Variants in KMT2B observed in about 807,000 individuals in gnomAD.
KMT2B encodes lysine methyltransferase 2B.
Under a neutral mutation model 255.3 loss-of-function variants are expected in KMT2B, and 22 were observed. The observed-to-expected ratio is 0.09, with a 90% CI of 0.06 to 0.12. KMT2B has a LOEUF of 0.12. Ranked by LOEUF, KMT2B falls within the 10% of genes least tolerant of loss-of-function variation. The pLI, the probability that KMT2B is intolerant of heterozygous loss-of-function variation, is 1.00. For missense variants in KMT2B, 3,149 were observed against 3,737.0 expected (o/e 0.84, Z 4.10); for synonymous variants, 1,730 against 1,498.1 (o/e 1.15, Z -3.57).
In KMT2B at chr19:35,724,014, A is replaced by G. The variant is rs1368098057; in HGVS notation, c.3334+7A>G. 1 of 1,578,844 alleles carries G rather than the reference A, an allele frequency of 6.3e-7. No individual in the cohort carries two copies. Among genetic ancestry groups the G allele is most frequent in the Non-Finnish European group, 8.6e-7 (1 of 1,162,824 alleles). ...CGGACCCCCCGAGAAAATGGTGCGAACTGCTTAATGCTTTCTCTGTTGATC... is the reference window on the plus strand; with the variant it reads ...CGGACCCCCCGAGAAAATGGTGCGAGCTGCTTAATGCTTTCTCTGTTGATC... On this transcript the variant is annotated splice_region_variant and intron_variant, in intron 8 of 36. Transcript: ENST00000420124.
In KMT2B at chr19:35,738,350, C is replaced by G; in HGVS notation, c.7941C>G (p.Ala2647=). Residue 2647 remains alanine (A), a synonymous_variant, in exon 37 of 37, where the codon GCC becomes GCG. Coordinates refer to ENST00000420124, the MANE Select transcript of KMT2B (RefSeq NM_014727.3). The surrounding 1 kb of genome is among the most constrained non-coding windows in gnomAD (Gnocchi z 8.7). ...TGGACGCCACGATGCATGGCAATGC[C>G]GCCCGCTTCATCAACCACTCCTGTG... is the stretch of plus-strand genomic sequence containing the variant. ...DVVDATMHGN[A]ARFINHSCEP... The G allele has an allele frequency of 6.2e-7, 1 of 1,613,968 alleles. No homozygotes were observed. The highest frequency in any genetic ancestry group is 1.1e-5 in the South Asian group (1 of 91,076).
rs1328515921 is a variant in KMT2B, at chr19:35,737,614, C to T, written c.7551-22C>T. On this transcript the variant is annotated intron_variant, in intron 33 of 36. Transcript: ENST00000420124. This position sits in a 1 kb window ranked among gnomAD's most constrained non-coding sequence, Gnocchi z 5.3. ...CTCTGTCTTCAACAGTATATTCCTCCTTCCCCTGCTGCCACCTGCAGGAAG... is the reference window on the plus strand; with the variant it reads ...CTCTGTCTTCAACAGTATATTCCTCTTTCCCCTGCTGCCACCTGCAGGAAG... 4 of 1,501,034 alleles carry T rather than the reference C, an allele frequency of 2.7e-6. No homozygotes were observed. Among genetic ancestry groups the T allele is most frequent in the South Asian group, 1.2e-5 (1 of 82,448 alleles). The allele number at this position is 1,501,034 out of a possible 1,614,324, so 93.0% of individuals were successfully genotyped here.
intron 26 of KMT2B, among the ~76,000 whole-genome samples, chr19:35,731,082 A>C (rs558700889): frequency 6.6e-6 from 1 of 152,282 alleles, no homozygotes; most frequent in East Asian, 1.9e-4. Flanking sequence ...CACGCTGCCT[A>C]CTTGAGGTGG....
Position 35,737,982 on chromosome 19 carries a change from G to C in KMT2B, c.7742+40G>C. 1.2e-6 allele frequency: 2 copies of C among 1,608,476 alleles called. No homozygotes were observed. Among genetic ancestry groups the C allele is most frequent in the African/African-American group, 1.3e-5 (1 of 74,944 alleles). On this transcript the variant is annotated intron_variant, in intron 35 of 36. Transcript: ENST00000420124. The surrounding 1 kb of genome is among the most constrained non-coding windows in gnomAD (Gnocchi z 5.3). ...GGGGGAGGATGCCCCTTGGGTGGAC[G>C]GACAGGTGCACTGGGTAGGGGGTAC...
chr19:35,724,768 G>A, intron 9 of KMT2B, 37 bp downstream of exon 9: 1 of 1,525,714 alleles, frequency 6.6e-7, no homozygotes, highest in Non-Finnish European at 8.9e-7. Flanking sequence ...CTTCCCTCCA[G>A]GAGCTACCTG....
At chr19:35,729,924 CCCCAG>C in intron 22 of KMT2B, 38 bp from the exon 23 acceptor site, 1 of 1,583,974 alleles carries the variant, frequency 6.3e-7, no homozygotes, top group South Asian at 1.1e-5. Context: ...TGGCGCCCAG[CCCCAG>C]CCCTGGCTTC....
In KMT2B at chr19:35,728,545, G is replaced by A. The variant is rs538551642; in HGVS notation, c.4572-229G>A. On this transcript the variant is annotated intron_variant, in intron 19 of 36. Transcript: ENST00000420124. The stretch of plus-strand genomic sequence containing the variant: ...AGGTGTCAGGGAAGGCTTCCTGAAA[G>A]AGATGGCATTGGAGCAGAGCTGGGG... Among the ~76,000 whole-genome samples the A allele has an allele frequency of 1.3e-5, 2 of 152,192 alleles. 1 individual carries two copies. The highest frequency in any genetic ancestry group is 4.1e-4 in the South Asian group (2 of 4,820).
Position 35,725,928 on chromosome 19 carries a change from T to A in KMT2B, c.3885+110T>A. On this transcript the variant is annotated intron_variant, in intron 13 of 36. Transcript: ENST00000420124. The surrounding 1 kb of genome is among the most constrained non-coding windows in gnomAD (Gnocchi z 4.1). ...GAGGAGCAGAGGTTGGGGATCCTCT[T>A]AAGAATTGATTAGTAATGTTTCCTC... 1 of 875,056 alleles carries A rather than the reference T, an allele frequency of 1.1e-6. No homozygotes were observed. Among genetic ancestry groups the A allele is most frequent in the South Asian group, 1.5e-5 (1 of 66,094 alleles). 54.2% of individuals were successfully genotyped at this position (875,056 alleles called of 1,614,324 possible).
intron 1 of KMT2B, 102 bp from the exon 2 acceptor site, chr19:35,719,367 T>G: frequency 1.3e-6 from 1 of 792,444 alleles, no homozygotes; most frequent in South Asian, 1.7e-5. Flanking sequence ...TAGGCAGGGG[T>G]ATGCTAAGTG....
In KMT2B at chr19:35,718,371, C is replaced by T; in HGVS notation, c.353C>T (p.Ser118Phe). ...VPEEESSDGE[S>F]DEEEFQGFHS... ...GAGGAGGAGAGCAGTGACGGGGAAT[C>T]CGACGAGGAGGTGAGGCGGTTGGAG... The change falls in exon 1 of 37, where the codon TCC becomes TTC. Residue 118 changes from serine (S) to phenylalanine (F), a missense_variant. Coordinates refer to ENST00000420124, the MANE Select transcript of KMT2B (RefSeq NM_014727.3). The surrounding 1 kb of genome is among the most constrained non-coding windows in gnomAD (Gnocchi z 5.0). 1.6e-6 allele frequency: 2 copies of T among 1,269,728 alleles called. No individual in the cohort carries two copies. 78.7% of individuals were successfully genotyped at this position (1,269,728 alleles called of 1,614,324 possible). A position where few individuals can be genotyped will look rare whatever the true frequency, so the allele number is the denominator to read the frequency against.
intron 5 of KMT2B, 89 bp from the exon 6 acceptor site, chr19:35,722,906 C>A: frequency 6.9e-7 from 1 of 1,443,706 alleles, no homozygotes; most frequent in Non-Finnish European, 9.2e-7. Context: ...TGTGAGAAAG[C>A]GAGAGCCAGG....
rs924994420 is a variant in KMT2B, at chr19:35,722,796, A to T, written c.2722+78A>T. The T allele has an allele frequency of 3.6e-5, 55 of 1,510,512 alleles. No individual in the cohort carries two copies. In the Admixed American group the frequency reaches 1.2e-3, roughly 32 times the overall value. The allele number at this position is 1,510,512 out of a possible 1,614,324, so 93.6% of individuals were successfully genotyped here. On this transcript the variant is annotated intron_variant, in intron 5 of 36. Transcript: ENST00000420124. ...GGGTGACATGCACCAAGAGCCTAGGAGAGAGGGAGCCAAGTCAGGTGCTCA... is the reference window on the plus strand; with the variant it reads ...GGGTGACATGCACCAAGAGCCTAGGTGAGAGGGAGCCAAGTCAGGTGCTCA...
Position 35,727,628 on chromosome 19 carries a change from G to T in KMT2B, c.4302+6G>T. The T allele has an allele frequency of 6.2e-7, 1 of 1,610,140 alleles. No individual in the cohort carries two copies. The highest frequency in any genetic ancestry group is 8.5e-7 in the Non-Finnish European group (1 of 1,178,444). ...CACTGCTGCTCTGCACCCAGGTCTG[G>T]AGGGCCCTGGAGGCAGGATGGGCCG... On this transcript the variant is annotated splice_donor_region_variant and intron_variant, in intron 16 of 36. Transcript: ENST00000420124. The surrounding 1 kb of genome is among the most constrained non-coding windows in gnomAD (Gnocchi z 4.2).
In KMT2B at chr19:35,724,747, T is replaced by C. The variant is rs1969365698; in HGVS notation, c.3429+16T>C. On this transcript the variant is annotated intron_variant, in intron 9 of 36. Transcript: ENST00000420124. ...CCTGGACAAGGTCAGCACGGCCCGC[T>C]CCGAGAGCCCCTTCCCTCCAGGAGC... The C allele has an allele frequency of 1.9e-6, 3 of 1,563,998 alleles. No individual in the cohort carries two copies. Among genetic ancestry groups the C allele is most frequent in the Non-Finnish European group, 2.6e-6 (3 of 1,154,242 alleles).
In KMT2B at chr19:35,727,520, C is replaced by T. The variant is rs777197246; in HGVS notation, c.4200C>T (p.Arg1400=). Residue 1400 remains arginine, a synonymous_variant, in exon 16 of 37, where the codon CGC becomes CGT. Coordinates refer to ENST00000420124, the MANE Select transcript of KMT2B (RefSeq NM_014727.3). This position sits in a 1 kb window ranked among gnomAD's most constrained non-coding sequence, Gnocchi z 4.2. Reference sequence around the variant, plus strand: ...CGTGTGCTGGGGCAGCGCAGCCCCGCTGGCGAGAGGCCCTGAGCGGGGCCC... The same window carrying T: ...CGTGTGCTGGGGCAGCGCAGCCCCGTTGGCGAGAGGCCCTGAGCGGGGCCC... The part of the protein sequence containing the change: ...CGPCAGAAQP[R]WREALSGALQ... The T allele has an allele frequency of 6.8e-6, 11 of 1,610,546 alleles. No individual in the cohort carries two copies. Among genetic ancestry groups the T allele is most frequent in the Non-Finnish European group, 9.3e-6 (11 of 1,179,752 alleles).
chr19:35,731,763 G>T, intron 26 of KMT2B, 145 bp from the exon 27 acceptor site: 1 of 683,018 alleles, frequency 1.5e-6, no homozygotes. Flanking sequence ...GGTGGGTTTA[G>T]CCTGGGTGGT....
rs1568374133 is a variant in KMT2B, at chr19:35,725,596, G to A, written c.3760G>A (p.Val1254Ile). The A allele has an allele frequency of 1.2e-6, 2 of 1,610,392 alleles. No individual in the cohort carries two copies. The highest frequency in any genetic ancestry group is 2.2e-5 in the East Asian group (1 of 44,894). ...CTGCCGTCGCTGCAAATTCTGCCAC[G>A]TCTGTGGACGCAAAGGTCGTGGATC... The part of the protein sequence containing the change: ...WCCRRCKFCH[V>I]CGRKGRGSKH... Residue 1254 changes from valine (V) to isoleucine (I), a missense_variant, in exon 12 of 37, where the codon GTC becomes ATC. By Grantham distance (29) the Val-to-Ile change is conservative (BLOSUM62 3). Around this residue, in one of 18 missense-constraint regions of KMT2B, gnomAD observed 377 missense variants for 471.0 expected, o/e 0.80. Coordinates refer to ENST00000420124, the MANE Select transcript of KMT2B (RefSeq NM_014727.3). This position sits in a 1 kb window ranked among gnomAD's most constrained non-coding sequence, Gnocchi z 4.1.
In KMT2B at chr19:35,725,898, C is replaced by T; in HGVS notation, c.3885+80C>T. ...CCCAAACTTGCTCTAGGCTGGGGCT[C>T]TCAGGAGGAGCAGAGGTTGGGGATC... On this transcript the variant is annotated intron_variant, in intron 13 of 36. Transcript: ENST00000420124. The surrounding 1 kb of genome is among the most constrained non-coding windows in gnomAD (Gnocchi z 4.1). The T allele has an allele frequency of 1.7e-6, 2 of 1,191,982 alleles. No individual in the cohort carries two copies. Among genetic ancestry groups the T allele is most frequent in the Non-Finnish European group, 1.2e-6 (1 of 821,836 alleles). The allele number at this position is 1,191,982 out of a possible 1,614,324, so 73.8% of individuals were successfully genotyped here.
Position 35,725,143 on chromosome 19 carries a change from C to G in KMT2B, c.3528+56C>G, listed in dbSNP as rs1969384989. The G allele has an allele frequency of 1.9e-6, 3 of 1,573,992 alleles. No homozygotes were observed. The highest frequency in any genetic ancestry group is 2.2e-5 in the East Asian group (1 of 44,672). On this transcript the variant is annotated intron_variant, in intron 10 of 36. Transcript: ENST00000420124. This position sits in a 1 kb window ranked among gnomAD's most constrained non-coding sequence, Gnocchi z 4.1. Reference sequence around the variant, plus strand: ...CCTCTGGTTGGAAGAACCTCGATGACTGTGTCATCGAGAAGCCAGGTGGGT... The same window carrying G: ...CCTCTGGTTGGAAGAACCTCGATGAGTGTGTCATCGAGAAGCCAGGTGGGT...
Sources: gnomAD v4.1 joint callset for allele counts (sites outside exome capture counted in the v4.1 genomes callset) on GRCh38, gnomAD v4.1.1 for gene constraint, gnomAD v4.1.1 regional missense constraint, Gnocchi (gnomAD v3.1) non-coding constraint, MANE v1.5 for transcripts, NCBI Gene and HGNC (gene_info 2026-07-23, HGNC 2026-07-21) for gene names.